The following IL1RAPL1 variants were observed in gnomAD, a reference collection of about 807,000 sequenced individuals.
The protein encoded by IL1RAPL1 is interleukin-1 receptor accessory protein-like 1.
Under a neutral mutation model 48.4 loss-of-function variants are expected in IL1RAPL1, and 3 were observed. That is an observed-to-expected ratio of 0.06 (90% CI 0.03 to 0.16). The LOEUF is 0.16. IL1RAPL1 is among the 10% of genes least tolerant of loss of function. IL1RAPL1 has a pLI of 1.00. For synonymous variants in IL1RAPL1, 185 were observed against 187.7 expected (o/e 0.99, Z 0.12); for missense variants, 349 against 530.6 (o/e 0.66, Z 3.36).
chrX:29,865,636 C>CTTTTTT (rs1171882981), intron 6 of IL1RAPL1, among the ~76,000 whole-genome samples: 135 of 76,300 alleles, frequency 1.8e-3, no homozygotes, highest in East Asian at 2.7e-3. Flanking sequence ...CTTTTCTTTT[C>CTTTTTT]TTTTTTTTTT....
intron 3 of IL1RAPL1, among the ~76,000 whole-genome samples, chrX:29,285,149 T>C (rs184082499): frequency 7.1e-4 from 79 of 111,439 alleles, no homozygotes; most frequent in East Asian, 5.1e-3. Context: ...TTCACATTAG[T>C]AATCTGAATT....
intron 1 of IL1RAPL1, among the ~76,000 whole-genome samples, chrX:28,704,169 A>G (rs1470495847): frequency 8.9e-6 from 1 of 111,754 alleles, no homozygotes; most frequent in Non-Finnish European, 1.9e-5. Context: ...ATACCTTGAG[A>G]TAGCTCTAAG....
intron 2 of IL1RAPL1, among the ~76,000 whole-genome samples, chrX:29,182,645 G>A (rs1395770840): frequency 4.7e-5 from 5 of 105,273 alleles, no homozygotes; most frequent in African/African-American, 1.7e-4. Context: ...GTGAAACATT[G>A]TTTTGTCATT....
At chrX:29,920,840 GAAAAA>G (rs796830604) in intron 8 of IL1RAPL1, among the ~76,000 whole-genome samples, 2 of 74,841 alleles carry the variant, frequency 2.7e-5, no homozygotes, top group African/African-American at 9.8e-5. Flanking sequence ...AAAGAAAAGA[GAAAAA>G]AAAAAAACAA....
intron 1 of IL1RAPL1, among the ~76,000 whole-genome samples, chrX:28,767,952 G>A (rs1936260429): frequency 9.0e-6 from 1 of 111,609 alleles, no homozygotes; most frequent in Admixed American, 9.6e-5. Flanking sequence ...CTCAGTGCTA[G>A]TATCATGCAA....
chrX:29,418,125 A>ATTTT lies in IL1RAPL1; in HGVS notation c.703+18831_703+18834dup, dbSNP rs1186251989. ...TATATATATATATATATATATATAT[A>ATTTT]TTTTTTTTTTTTTTTTTGAGATGGA... On this transcript the variant is annotated intron_variant, in intron 5 of 10. Coordinates refer to ENST00000378993, the MANE Select transcript of IL1RAPL1 (RefSeq NM_014271.4). Among the ~76,000 whole-genome samples, 218 of 26,662 alleles carry ATTTT rather than the reference A, an allele frequency of 8.2e-3. 1 individual carries two copies. Among genetic ancestry groups the ATTTT allele is most frequent in the African/African-American group, 8.9e-3 (53 of 5,988 alleles). The allele number at this position is 26,662 out of a possible 115,157, so 23.2% of individuals were successfully genotyped here.
At chrX:29,041,273 G>A (rs982139207) in intron 2 of IL1RAPL1, among the ~76,000 whole-genome samples, 29 of 111,549 alleles carry the variant, frequency 2.6e-4, no homozygotes, top group Non-Finnish European at 3.4e-4. Context: ...CCCATGGGAC[G>A]TATCTGCAGG....
intron 5 of IL1RAPL1, among the ~76,000 whole-genome samples, chrX:29,461,588 T>C (rs982113046): frequency 9.0e-6 from 1 of 111,069 alleles, no homozygotes; most frequent in African/African-American, 3.3e-5. Context: ...GTATTCAGAG[T>C]AGCCCAAAAC....
intron 8 of IL1RAPL1, among the ~76,000 whole-genome samples, chrX:29,934,291 C>A (rs969735867): frequency 9.0e-6 from 1 of 111,629 alleles, no homozygotes; most frequent in African/African-American, 3.2e-5. Flanking sequence ...TAAATGCCCA[C>A]ATAAGGGGTT....
chrX:28,670,407 C>G (rs908134491), intron 1 of IL1RAPL1, among the ~76,000 whole-genome samples: 4 of 111,768 alleles, frequency 3.6e-5, no homozygotes, highest in Non-Finnish European at 7.5e-5. Context: ...AGAAAGCCAG[C>G]CTCATCTGCA....
At chrX:29,147,672 C>G (rs1929377864) in intron 2 of IL1RAPL1, among the ~76,000 whole-genome samples, 1 of 112,157 alleles carries the variant, frequency 8.9e-6, no homozygotes, top group South Asian at 3.7e-4. Context: ...TTATTCTCTT[C>G]TGCATTCTGT....
chrX:29,824,871 G>A (rs1385991708), intron 6 of IL1RAPL1, among the ~76,000 whole-genome samples: 3 of 108,046 alleles, frequency 2.8e-5, no homozygotes, highest in African/African-American at 1.0e-4. Flanking sequence ...AAAAAGGTAG[G>A]AAGAAATTAG....
rs762721453 is a variant in IL1RAPL1, at chrX:28,611,944, G to GT, written c.-25+23904dup. 1.3e-4 allele frequency among the ~76,000 whole-genome samples: 14 copies of GT among 111,891 alleles called. No individual in the cohort carries two copies. The East Asian group carries it at 3.7e-3, about 29-fold the overall frequency. On this transcript the variant is annotated intron_variant, in intron 1 of 10. Coordinates refer to ENST00000378993, the MANE Select transcript of IL1RAPL1 (RefSeq NM_014271.4). ...ATGACCCAAATCCAGCCAGCCACCT[G>GT]TTTTTTTAAATAAAGTTTTATTGGA...
At chrX:29,100,227 A>T (rs1602056630) in intron 2 of IL1RAPL1, among the ~76,000 whole-genome samples, 1 of 111,987 alleles carries the variant, frequency 8.9e-6, no homozygotes, top group Non-Finnish European at 1.9e-5. Flanking sequence ...ATAAATAAAT[A>T]AAAACTTTAG....
chrX:29,283,981 T>C (rs1340530969), intron 3 of IL1RAPL1, among the ~76,000 whole-genome samples: 1 of 112,972 alleles, frequency 8.9e-6, no homozygotes, highest in Non-Finnish European at 1.9e-5. Flanking sequence ...CCTTCATGAA[T>C]GATCATGTAT....
At chrX:29,258,284 TA>T (rs1931790357) in intron 2 of IL1RAPL1, among the ~76,000 whole-genome samples, 1 of 111,473 alleles carries the variant, frequency 9.0e-6, no homozygotes, top group East Asian at 2.8e-4. Context: ...TCGAACAATT[TA>T]AAAAATATTG....
chrX:28,932,146 C>T (rs189988791), intron 2 of IL1RAPL1, among the ~76,000 whole-genome samples: 106 of 110,808 alleles, frequency 9.6e-4, no homozygotes, highest in African/African-American at 3.2e-3. Context: ...AAATATTTAA[C>T]ATTTCTCCTT....
intron 5 of IL1RAPL1, among the ~76,000 whole-genome samples, chrX:29,612,415 A>G (rs994138540): frequency 1.9e-5 from 2 of 103,656 alleles, no homozygotes; most frequent in East Asian, 5.8e-4. Flanking sequence ...CATTTTATTA[A>G]AAAAAAAAAA....
At chrX:28,999,798 C>G (rs778720254) in intron 2 of IL1RAPL1, among the ~76,000 whole-genome samples, 6 of 111,902 alleles carry the variant, frequency 5.4e-5, no homozygotes, top group Non-Finnish European at 9.4e-5. Context: ...AATACAACTT[C>G]TTGCGCATAG....
Sources: gnomAD v4.1 joint callset for allele counts (sites outside exome capture counted in the v4.1 genomes callset) on GRCh38, gnomAD v4.1.1 for gene constraint, MANE v1.5 for transcripts, NCBI Gene and HGNC (gene_info 2026-07-23, HGNC 2026-07-21) for gene names.